HPSE2: variants seen among roughly 807,000 people sequenced by gnomAD.
HPSE2 encodes heparanase 2 (inactive), also known as inactive heparanase-2.
A neutral mutation model predicts 60.5 loss-of-function variants in HPSE2; 38 were observed. The ratio of observed to expected loss-of-function variants is 0.63; its 90% CI spans 0.48 to 0.82. HPSE2 has a LOEUF of 0.82. Ranked by LOEUF, HPSE2 falls within the 40% of genes least tolerant of loss-of-function variation. The probability of loss-of-function intolerance (pLI) is 0.00; values close to 1 mark genes in which losing one functional copy is unlikely to be tolerated. For missense variants in HPSE2, 713 were observed against 740.4 expected, an observed-to-expected ratio of 0.96 and a Z score of 0.43; for synonymous variants, 295 against 293.2, an observed-to-expected ratio of 1.01 and a Z score of -0.06.
At chr10:98,850,720 G>A (rs540082965) in intron 3 of HPSE2, among the ~76,000 whole-genome samples, 38 of 117,168 alleles carry the variant, frequency 3.2e-4, no homozygotes, top group African/African-American at 1.3e-3. Context: ...CTGGGTGACA[G>A]AGTGAGACTC....
chr10:99,288,748 C>CA, the HPSE2 span, among the ~76,000 whole-genome samples: 41,590 of 76,214 alleles, frequency 0.55, 10,929 homozygotes, highest in South Asian at 0.65. Context: ...CAGCCTCAAG[C>CA]AAAAAAAAAA....
intron 10 of HPSE2, among the ~76,000 whole-genome samples, chr10:98,483,325 C>A (rs1170505763): frequency 6.6e-6 from 1 of 152,098 alleles, no homozygotes; most frequent in Non-Finnish European, 1.5e-5. Flanking sequence ...CCATGTGATT[C>A]TTTTTCTACT....
At chr10:98,717,376 T>C (rs1474459063) in intron 5 of HPSE2, among the ~76,000 whole-genome samples, 1 of 152,078 alleles carries the variant, frequency 6.6e-6, no homozygotes, top group Non-Finnish European at 1.5e-5. Context: ...ACCTTTACAT[T>C]CACACCTTGG....
intron 11 of HPSE2, among the ~76,000 whole-genome samples, chr10:98,476,526 C>T (rs1941028145): frequency 6.6e-6 from 1 of 151,858 alleles, no homozygotes; most frequent in East Asian, 1.9e-4. Context: ...CATGGTGGCT[C>T]ATGCTTGTAA....
chr10:99,134,128 T>C (rs1047091452), intron 3 of HPSE2, among the ~76,000 whole-genome samples: 29 of 152,122 alleles, frequency 1.9e-4, no homozygotes, highest in Middle Eastern at 3.4e-3. Flanking sequence ...GTATCAGTAA[T>C]TGAAGATCAA....
At chr10:99,103,449 G>A (rs1010826406) in intron 3 of HPSE2, among the ~76,000 whole-genome samples, 2 of 152,004 alleles carry the variant, frequency 1.3e-5, no homozygotes, top group Non-Finnish European at 2.9e-5. Flanking sequence ...CCTCTTCAAG[G>A]AGAACTACAA....
intron 3 of HPSE2, among the ~76,000 whole-genome samples, chr10:98,750,324 G>A (rs959448097): frequency 2.6e-5 from 4 of 152,104 alleles, no homozygotes; most frequent in Non-Finnish European, 4.4e-5. Flanking sequence ...CACAGTGGTA[G>A]CAAGGACATG....
intron 3 of HPSE2, among the ~76,000 whole-genome samples, chr10:99,102,220 T>A (rs1398957237): frequency 6.6e-6 from 1 of 151,766 alleles, no homozygotes; most frequent in East Asian, 1.9e-4. Context: ...ATCAACAAAA[T>A]TGATAGACCA....
intron 3 of HPSE2, among the ~76,000 whole-genome samples, chr10:98,960,258 T>C (rs1179475326): frequency 6.6e-6 from 1 of 152,114 alleles, no homozygotes; most frequent in African/African-American, 2.4e-5. Flanking sequence ...TCTCCCACAG[T>C]TGTTAAGAGT....
chr10:99,150,149 C>T (rs1418715559), intron 2 of HPSE2, among the ~76,000 whole-genome samples: 1 of 152,268 alleles, frequency 6.6e-6, no homozygotes, highest in East Asian at 1.9e-4. Flanking sequence ...AAAGTTGATG[C>T]ACTAGAATCA....
chr10:99,262,655 T>C, the HPSE2 span, among the ~76,000 whole-genome samples: 1 of 152,194 alleles, frequency 6.6e-6, no homozygotes, highest in African/African-American at 2.4e-5. Context: ...TTAAAGCCTA[T>C]AAACTCTCCT....
At chr10:99,104,625 C>T (rs191994793) in intron 3 of HPSE2, among the ~76,000 whole-genome samples, 14 of 152,090 alleles carry the variant, frequency 9.2e-5, no homozygotes, top group African/African-American at 9.7e-5. Context: ...TTGTTTATTG[C>T]GGCACTCTTC....
At chr10:98,654,238 C>G (rs1005133864) in intron 6 of HPSE2, among the ~76,000 whole-genome samples, 3 of 152,138 alleles carry the variant, frequency 2.0e-5, no homozygotes, top group Admixed American at 2.0e-4. Flanking sequence ...GGTCTTACAG[C>G]TGTCATTAAT....
chr10:98,888,603 G>T (rs1953241036), intron 3 of HPSE2, among the ~76,000 whole-genome samples: 1 of 152,120 alleles, frequency 6.6e-6, no homozygotes, highest in Non-Finnish European at 1.5e-5. Flanking sequence ...TTGTATAAGT[G>T]AAGGTATGTT....
intron 3 of HPSE2, among the ~76,000 whole-genome samples, chr10:98,841,574 T>C (rs763796233): frequency 6.6e-6 from 1 of 152,228 alleles, no homozygotes; most frequent in Non-Finnish European, 1.5e-5. Context: ...CTTACTTCTA[T>C]GTAGCTATAA....
chr10:99,153,187 C>A (rs1167343160), intron 2 of HPSE2, among the ~76,000 whole-genome samples: 3 of 152,330 alleles, frequency 2.0e-5, no homozygotes, highest in Non-Finnish European at 4.4e-5. Context: ...GGGCGCCCGC[C>A]ATTGCCCAGG....
intron 9 of HPSE2, among the ~76,000 whole-genome samples, chr10:98,545,539 A>G (rs1014747011): frequency 2.6e-5 from 4 of 152,198 alleles, no homozygotes; most frequent in East Asian, 1.9e-4. Flanking sequence ...TATAAACAGA[A>G]CCAAAGACAA....
At chr10:99,278,820 G>C in the HPSE2 span, among the ~76,000 whole-genome samples, 2 of 152,190 alleles carry the variant, frequency 1.3e-5, no homozygotes, top group African/African-American at 4.8e-5. Context: ...GTATGTAAAA[G>C]TAGCTGTCAC....
At chr10:98,541,328 G>A (rs74378706) in intron 9 of HPSE2, among the ~76,000 whole-genome samples, 18 of 152,066 alleles carry the variant, frequency 1.2e-4, no homozygotes, top group African/African-American at 3.6e-4. Flanking sequence ...AAAAAAACTC[G>A]GGGGAGGAGC....
Sources: gnomAD v4.1 joint callset for allele counts (sites outside exome capture counted in the v4.1 genomes callset) on GRCh38, gnomAD v4.1.1 for gene constraint, MANE v1.5 for transcripts, NCBI Gene and HGNC (gene_info 2026-07-23, HGNC 2026-07-21) for gene names.